The following CEMIP variants were observed in gnomAD, a reference collection of about 807,000 sequenced individuals.
CEMIP encodes the protein cell migration inducing hyaluronidase 1.
CEMIP carries 105 observed loss-of-function variants against 156.9 expected under a neutral mutation model. That is an observed-to-expected ratio of 0.67 (90% CI 0.57 to 0.79). CEMIP has a LOEUF of 0.79. CEMIP is among the 30% of genes least tolerant of loss of function. CEMIP has a pLI of 0.00. For synonymous variants in CEMIP, 676 were observed against 668.4 expected (o/e 1.01, Z -0.17); for missense variants, 1,457 against 1,769.4 (o/e 0.82, Z 3.17).
At chr15:80,818,868 A>G (rs1295031249) in intron 1 of CEMIP, among the ~76,000 whole-genome samples, 1 of 152,208 alleles carries the variant, frequency 6.6e-6, no homozygotes, top group Non-Finnish European at 1.5e-5. Context: ...AATCAATCGC[A>G]TCGCTCAGAG....
intron 17 of CEMIP, among the ~76,000 whole-genome samples, chr15:80,923,988 T>C (rs980854991): frequency 6.6e-6 from 1 of 152,086 alleles, no homozygotes; most frequent in South Asian, 2.1e-4. Flanking sequence ...AAAAGAGAAA[T>C]CTGAGTATGA....
rs554276394 is a variant in CEMIP at position 80,857,727 on chromosome 15, C to T, written c.-175-15811C>T. On this transcript the variant is annotated intron_variant, in intron 1 of 29. Transcript: ENST00000394685. ...ACCACACTCTGAGTAGCATCACCAA[C>T]GGCCAAATCCCTCCCGTCATGAAGT... Among the ~76,000 whole-genome samples the T allele has an allele frequency of 2.6e-3, 397 of 152,206 alleles. 3 individuals carry two copies. The highest frequency in any genetic ancestry group is 8.8e-3 in the African/African-American group (367 of 41,538).
At chr15:80,912,303 G>T (rs1306512118) in intron 14 of CEMIP, among the ~76,000 whole-genome samples, 1 of 152,252 alleles carries the variant, frequency 6.6e-6, no homozygotes, top group Non-Finnish European at 1.5e-5. Context: ...GACTCTTGTA[G>T]CCAGAGCTGT....
intron 1 of CEMIP, among the ~76,000 whole-genome samples, chr15:80,828,512 A>G (rs1183218810): frequency 6.6e-6 from 1 of 152,194 alleles, no homozygotes. Flanking sequence ...ATAGAGCTTG[A>G]TTTGAAAGAC....
rs1471925340 is a variant in CEMIP at position 80,900,012 on chromosome 15, G to A, written c.1411+3952G>A. Among the ~76,000 whole-genome samples the A allele has an allele frequency of 2.0e-5, 3 of 152,140 alleles. No individual in the cohort carries two copies. The South Asian group carries it at 6.2e-4, about 32-fold the overall frequency. On this transcript the variant is annotated intron_variant, in intron 12 of 29. Coordinates refer to ENST00000394685, the MANE Select transcript of CEMIP (RefSeq NM_001293298.2). ...TAGGAGGGTGAAAGCCTGACCGTGAGCCCTTGCCTGCATGGAGGTGGGAGG... is the reference window on the plus strand; with the variant it reads ...TAGGAGGGTGAAAGCCTGACCGTGAACCCTTGCCTGCATGGAGGTGGGAGG...
At chr15:80,822,131 C>A (rs1896924029) in intron 1 of CEMIP, among the ~76,000 whole-genome samples, 1 of 152,220 alleles carries the variant, frequency 6.6e-6, no homozygotes, top group African/African-American at 2.4e-5. Context: ...CTGGCTTCGA[C>A]AGAAGCTCCC....
chr15:80,949,086 T>A lies in CEMIP; in HGVS notation c.*162T>A. 1 of 884,108 alleles carries A rather than the reference T, an allele frequency of 1.1e-6. No individual in the cohort carries two copies. Among genetic ancestry groups the A allele is most frequent in the Non-Finnish European group, 1.8e-6 (1 of 547,356 alleles). The allele number at this position is 884,108 out of a possible 1,614,324, so 54.8% of individuals were successfully genotyped here. A position where few individuals can be genotyped will look rare whatever the true frequency, so the allele number is the denominator to read the frequency against. On this transcript the variant is annotated 3_prime_UTR_variant, in exon 30 of 30. Transcript: ENST00000394685. ...AAGGGAAGGCTATCAGAGACCCTGG[T>A]GCTGCCACCTGCCCCTACTCAAGTG...
chr15:80,886,486 A>G (rs1474128766), intron 7 of CEMIP, among the ~76,000 whole-genome samples: 2 of 152,196 alleles, frequency 1.3e-5, no homozygotes, highest in Non-Finnish European at 2.9e-5. Flanking sequence ...AGATCAAAAC[A>G]AGAATAATGA....
Position 80,869,746 on chromosome 15 carries a change from T to C in CEMIP, c.-175-3792T>C, listed in dbSNP as rs531995198. Among the ~76,000 whole-genome samples the C allele has an allele frequency of 2.0e-5, 3 of 152,272 alleles. No individual in the cohort carries two copies. The South Asian group carries it at 6.2e-4, about 32-fold the overall frequency. On this transcript the variant is annotated intron_variant, in intron 1 of 29. Transcript: ENST00000394685. ...TCCTACTCCAGAGACCAGTGATATA[T>C]ATGAGTTGACATTTTTCAAGTTAGT...
chr15:80,789,393 G>A (rs539261441), intron 1 of CEMIP, among the ~76,000 whole-genome samples: 6 of 152,242 alleles, frequency 3.9e-5, no homozygotes, highest in East Asian at 3.9e-4. Flanking sequence ...GTGGTGCTCC[G>A]TAGTAGAATG....
intron 1 of CEMIP, among the ~76,000 whole-genome samples, chr15:80,804,102 T>C (rs1338749601): frequency 6.6e-6 from 1 of 152,216 alleles, no homozygotes; most frequent in Non-Finnish European, 1.5e-5. Flanking sequence ...TTATTCACTT[T>C]CAAGAGAACA....
intron 23 of CEMIP, among the ~76,000 whole-genome samples, chr15:80,936,146 A>T (rs1901112517): frequency 6.6e-6 from 1 of 152,222 alleles, no homozygotes; most frequent in Non-Finnish European, 1.5e-5. Context: ...ATGAGGCACC[A>T]TTTATTCATG....
chr15:80,917,199 C>A (rs1188898009), intron 14 of CEMIP, among the ~76,000 whole-genome samples: 1 of 152,120 alleles, frequency 6.6e-6, no homozygotes, highest in Middle Eastern at 3.2e-3. Context: ...ATACCTAACT[C>A]ATTGTTTACT....
intron 10 of CEMIP, among the ~76,000 whole-genome samples, chr15:80,892,563 C>G (rs1029513004): frequency 2.0e-5 from 3 of 152,102 alleles, no homozygotes; most frequent in Admixed American, 2.0e-4. Flanking sequence ...AGAGGTCGGC[C>G]TGATGGTAAC....
intron 16 of CEMIP, 150 bp downstream of exon 16, chr15:80,921,251 A>C: frequency 1.3e-6 from 1 of 766,784 alleles, no homozygotes; most frequent in Non-Finnish European, 2.2e-6. Context: ...GAGGAAAACG[A>C]CAGACTGGGG....
chr15:80,885,077 CT>C (rs1463856665), intron 7 of CEMIP, among the ~76,000 whole-genome samples: 3 of 152,192 alleles, frequency 2.0e-5, no homozygotes, highest in Non-Finnish European at 4.4e-5. Context: ...CCCTCTGCCC[CT>C]CGCCCCTGCC....
chr15:80,939,121 C>G (rs547973669), intron 25 of CEMIP, among the ~76,000 whole-genome samples: 1 of 152,320 alleles, frequency 6.6e-6, no homozygotes, highest in South Asian at 2.1e-4. Flanking sequence ...AGTGATCCAC[C>G]TTACTGATGA....
At chr15:80,813,410 C>T (rs561764640) in intron 1 of CEMIP, among the ~76,000 whole-genome samples, 6 of 129,000 alleles carry the variant, frequency 4.7e-5, no homozygotes, top group Admixed American at 2.3e-4. Context: ...AGTGCAGTGG[C>T]ATGATCTCAG....
chr15:80,900,648 G>T (rs866846705), intron 12 of CEMIP, among the ~76,000 whole-genome samples: 6 of 111,856 alleles, frequency 5.4e-5, no homozygotes, highest in African/African-American at 1.7e-4. Flanking sequence ...GTGTGTGTGT[G>T]TCTGTGTGTG....
Sources: gnomAD v4.1 joint callset for allele counts (sites outside exome capture counted in the v4.1 genomes callset) on GRCh38, gnomAD v4.1.1 for gene constraint, MANE v1.5 for transcripts, NCBI Gene and HGNC (gene_info 2026-07-23, HGNC 2026-07-21) for gene names.